Variants in DPY19L2 observed in about 807,000 individuals in gnomAD.
The protein encoded by DPY19L2 is dpy-19 like 2.
DPY19L2 carries 34 observed loss-of-function variants against 97.9 expected under a neutral mutation model. That is an observed-to-expected ratio of 0.35 (90% CI 0.26 to 0.46). The LOEUF (loss-of-function observed/expected upper bound fraction) is 0.46. Ranked by LOEUF, DPY19L2 falls within the 20% of genes least tolerant of loss-of-function variation. DPY19L2 has a pLI of 1.00. For missense variants in DPY19L2, 623 were observed against 911.4 expected (o/e 0.68, Z 4.07); for synonymous variants, 230 against 307.9 (o/e 0.75, Z 2.65).
At chr12:63,596,114 G>A (rs1884191273) in intron 14 of DPY19L2, 77 bp from the exon 15 acceptor site, 6 of 1,317,876 alleles carry the variant, frequency 4.6e-6, no homozygotes, top group Middle Eastern at 4.2e-4. Context: ...GTCAAACTAA[G>A]TGCCATGATA....
At chr12:63,655,303 A>T (rs1047465172) in intron 4 of DPY19L2, among the ~76,000 whole-genome samples, 3 of 152,166 alleles carry the variant, frequency 2.0e-5, no homozygotes, top group Non-Finnish European at 4.4e-5. Context: ...GTAAAATAAA[A>T]AATAGTGACA....
intron 7 of DPY19L2, 135 bp downstream of exon 7, chr12:63,626,334 A>G: frequency 8.8e-7 from 1 of 1,135,044 alleles, no homozygotes; most frequent in Non-Finnish European, 1.2e-6. Context: ...TAAAATATCA[A>G]CTTATTACAC....
chr12:63,638,857 A>C (rs554908371), intron 6 of DPY19L2, among the ~76,000 whole-genome samples: 21 of 152,264 alleles, frequency 1.4e-4, no homozygotes, highest in East Asian at 1.9e-4. Flanking sequence ...AAACTACTTA[A>C]AAGTTCATAT....
chr12:63,641,804 T>C (rs1007426266), intron 6 of DPY19L2, among the ~76,000 whole-genome samples: 1 of 152,158 alleles, frequency 6.6e-6, no homozygotes, highest in African/African-American at 2.4e-5. Flanking sequence ...CAAGACTTTT[T>C]TGGGAATATA....
At chr12:63,589,745 G>GGTTTGA (rs1484273556) in intron 16 of DPY19L2, among the ~76,000 whole-genome samples, 2 of 152,144 alleles carry the variant, frequency 1.3e-5, no homozygotes, top group Non-Finnish European at 2.9e-5. Context: ...CTACAAAGCA[G>GGTTTGA]AGACCATAAA....
chr12:63,560,717 C>A, intron 21 of DPY19L2, 55 bp from the exon 22 acceptor site: 12 of 1,586,946 alleles, frequency 7.6e-6, no homozygotes, highest in East Asian at 2.3e-5. Flanking sequence ...TGTCTAGAGA[C>A]AATAGATACA....
chr12:63,626,650 C>T lies in DPY19L2; in HGVS notation c.804-124G>A, dbSNP rs532257164. 4.7e-6 allele frequency: 6 copies of T among 1,264,410 alleles called. No homozygotes were observed. In the African/African-American group the frequency reaches 7.7e-5, roughly 16 times the overall value. 78.3% of individuals were successfully genotyped at this position (1,264,410 alleles called of 1,614,324 possible). ...TTTCTATATTTAAAACATCATAGTACTAAACCATACCCATGTGGTTGAAGT... is the reference window on the plus strand; with the variant it reads ...TTTCTATATTTAAAACATCATAGTATTAAACCATACCCATGTGGTTGAAGT... On this transcript the variant is annotated intron_variant, in intron 6 of 21. Transcript: ENST00000324472.
intron 16 of DPY19L2, among the ~76,000 whole-genome samples, chr12:63,593,568 C>T (rs182625812): frequency 0.017 from 2,611 of 152,106 alleles, 33 homozygotes; most frequent in South Asian, 0.03. Context: ...CATATTCTCA[C>T]TCATAGGTGG....
intron 12 of DPY19L2, among the ~76,000 whole-genome samples, chr12:63,606,816 G>C (rs530715920): frequency 2.2e-4 from 34 of 152,144 alleles, no homozygotes; most frequent in African/African-American, 8.0e-4. Context: ...TGCACACAAA[G>C]TTCCCCTTTG....
At chr12:63,648,104 G>A (rs1025664437) in intron 4 of DPY19L2, among the ~76,000 whole-genome samples, 4 of 152,056 alleles carry the variant, frequency 2.6e-5, no homozygotes, top group African/African-American at 7.2e-5. Context: ...TGCCGTGTGA[G>A]GACACAGTGT....
chr12:63,616,101 T>C (rs1887782685), intron 11 of DPY19L2, among the ~76,000 whole-genome samples: 3 of 152,072 alleles, frequency 2.0e-5, no homozygotes, highest in Non-Finnish European at 2.9e-5. Context: ...CCATTTTATA[T>C]AAGAAACTTG....
intron 21 of DPY19L2, among the ~76,000 whole-genome samples, chr12:63,563,425 C>T (rs1446240664): frequency 1.3e-5 from 2 of 152,162 alleles, no homozygotes; most frequent in Admixed American, 1.3e-4. Context: ...AAGTTACCTT[C>T]TACTCCTAGT....
At chr12:63,591,983 AGGG>A (rs1883045193) in intron 16 of DPY19L2, among the ~76,000 whole-genome samples, 5 of 45,414 alleles carry the variant, frequency 1.1e-4, no homozygotes, top group African/African-American at 3.8e-4. Flanking sequence ...AAAGAGGGGA[AGGG>A]AAGGGAAGGG....
chr12:63,640,601 C>T (rs1892546508), intron 6 of DPY19L2, among the ~76,000 whole-genome samples: 1 of 152,088 alleles, frequency 6.6e-6, no homozygotes, highest in South Asian at 2.1e-4. Context: ...TTTTGTTCCT[C>T]AAATGCCAGT....
At chr12:63,572,923 T>G (rs1879147528) in intron 19 of DPY19L2, among the ~76,000 whole-genome samples, 1 of 152,074 alleles carries the variant, frequency 6.6e-6, no homozygotes, top group East Asian at 1.9e-4. Context: ...ACCAGAAACT[T>G]AGATCACAAC....
In DPY19L2 at chr12:63,561,889, G is replaced by A. The variant is rs2659970; in HGVS notation, c.2127-1227C>T. ...CAAAACTCTTTTCCAGAGTAGATGCGCCATTTTCCATTTCCACCAACAATG... is the reference window on the plus strand; with the variant it reads ...CAAAACTCTTTTCCAGAGTAGATGCACCATTTTCCATTTCCACCAACAATG... On this transcript the variant is annotated intron_variant, in intron 21 of 21. Transcript: ENST00000324472. Among the ~76,000 whole-genome samples the A allele has an allele frequency of 5.9e-5, 9 of 152,232 alleles. No homozygotes were observed. In the South Asian group the frequency reaches 1.0e-3, roughly 18 times the overall value.
chr12:63,602,174 T>A (rs1303852339), intron 12 of DPY19L2, among the ~76,000 whole-genome samples: 1 of 149,502 alleles, frequency 6.7e-6, no homozygotes, highest in African/African-American at 2.5e-5. Context: ...AAACAAGAAA[T>A]TCAAAAACCA....
intron 16 of DPY19L2, among the ~76,000 whole-genome samples, chr12:63,592,594 A>G (rs1883312928): frequency 6.7e-6 from 1 of 149,448 alleles, no homozygotes; most frequent in Non-Finnish European, 1.5e-5. Context: ...ATATGTAGAA[A>G]GCTGAAACTG....
intron 21 of DPY19L2, among the ~76,000 whole-genome samples, chr12:63,566,851 T>C (rs1353379971): frequency 6.6e-6 from 1 of 152,130 alleles, no homozygotes; most frequent in African/African-American, 2.4e-5. Context: ...TTTAGGGTTT[T>C]TCCCCTTTTA....
Sources: gnomAD v4.1 joint callset for allele counts (sites outside exome capture counted in the v4.1 genomes callset) on GRCh38, gnomAD v4.1.1 for gene constraint, MANE v1.5 for transcripts, NCBI Gene and HGNC (gene_info 2026-07-23, HGNC 2026-07-21) for gene names.